The following CLSTN2 variants were observed in gnomAD, a reference collection of about 807,000 sequenced individuals.
CLSTN2 encodes calsyntenin-2.
In CLSTN2, 48 loss-of-function variants were observed where a neutral mutation model predicts 101.2. The observed-to-expected ratio is 0.47, with a 90% confidence interval of 0.38 to 0.60. The LOEUF (loss-of-function observed/expected upper bound fraction) is 0.60. CLSTN2 is among the 20% of genes least tolerant of loss of function. CLSTN2 has a pLI of 0.00. For missense variants in CLSTN2, 1,160 were observed against 1,238.2 expected (o/e 0.94, Z 0.95); for synonymous variants, 481 against 463.6 (o/e 1.04, Z -0.48).
intron 1 of CLSTN2, among the ~76,000 whole-genome samples, chr3:140,052,407 C>T (rs972654109): frequency 3.0e-4 from 45 of 152,262 alleles, no homozygotes; most frequent in African/African-American, 8.9e-4. Flanking sequence ...CCACCTGCCT[C>T]GGCCTCCCAA....
chr3:140,435,758 C>T (rs925968251), intron 5 of CLSTN2, among the ~76,000 whole-genome samples: 4 of 152,148 alleles, frequency 2.6e-5, no homozygotes, highest in Non-Finnish European at 4.4e-5. Flanking sequence ...GGATATGGGC[C>T]ATTTTAACTG....
At chr3:140,303,433 A>G (rs903687046) in intron 2 of CLSTN2, among the ~76,000 whole-genome samples, 1 of 152,120 alleles carries the variant, frequency 6.6e-6, no homozygotes, top group African/African-American at 2.4e-5. Flanking sequence ...AAGTTTGTGA[A>G]CCTTGACAGG....
chr3:140,492,021 C>T (rs1189647358), intron 8 of CLSTN2, among the ~76,000 whole-genome samples: 1 of 152,098 alleles, frequency 6.6e-6, no homozygotes, highest in South Asian at 2.1e-4. Context: ...CAAAAAAGCC[C>T]TTTAAGAAAC....
At chr3:140,496,615 C>T (rs918627060) in intron 8 of CLSTN2, among the ~76,000 whole-genome samples, 2 of 152,132 alleles carry the variant, frequency 1.3e-5, no homozygotes, top group African/African-American at 2.4e-5. Flanking sequence ...ATAGATGGCT[C>T]TTAGTATTTT....
At chr3:140,085,762 T>G (rs993434695) in intron 1 of CLSTN2, among the ~76,000 whole-genome samples, 1 of 152,128 alleles carries the variant, frequency 6.6e-6, no homozygotes, top group African/African-American at 2.4e-5. Context: ...CAACAATGTC[T>G]AGAGGGAAAA....
chr3:140,244,297 G>A (rs1167085787), intron 2 of CLSTN2, among the ~76,000 whole-genome samples: 8 of 152,198 alleles, frequency 5.3e-5, no homozygotes, highest in African/African-American at 1.9e-4. Flanking sequence ...GTTTTGTGAT[G>A]TGGTAGTCAG....
chr3:140,562,778 C>G, intron 13 of CLSTN2, 33 bp from the exon 14 acceptor site: 1 of 1,608,706 alleles, frequency 6.2e-7, no homozygotes, highest in Non-Finnish European at 8.5e-7. Context: ...TCCTTTTCTG[C>G]CTTCTGATGA....
At chr3:140,203,461 GTTTTTTT>G (rs58182333) in intron 2 of CLSTN2, among the ~76,000 whole-genome samples, 11 of 67,898 alleles carry the variant, frequency 1.6e-4, no homozygotes, top group South Asian at 7.2e-4. Flanking sequence ...GAAAGTGTGG[GTTTTTTT>G]TTTTTTTTTT....
chr3:140,489,238 AGCTG>A (rs1279340124), intron 8 of CLSTN2, among the ~76,000 whole-genome samples: 1 of 152,160 alleles, frequency 6.6e-6, no homozygotes, highest in Non-Finnish European at 1.5e-5. Context: ...GCTTCTGCAC[AGCTG>A]GTAAGGTTTC....
At chr3:139,973,188 T>C (rs1259989026) in intron 1 of CLSTN2, among the ~76,000 whole-genome samples, 1 of 152,198 alleles carries the variant, frequency 6.6e-6, no homozygotes, top group Admixed American at 6.5e-5. Context: ...GGCAGGAGCG[T>C]GATCTGCCAT....
At chr3:140,381,324 C>G (rs148691642) in intron 2 of CLSTN2, among the ~76,000 whole-genome samples, 154 of 152,296 alleles carry the variant, frequency 1.0e-3, no homozygotes, top group Non-Finnish European at 1.8e-3. Context: ...TGATTACCCC[C>G]TATACCAGAT....
intron 1 of CLSTN2, among the ~76,000 whole-genome samples, chr3:140,077,639 T>C (rs1342600450): frequency 1.3e-5 from 2 of 151,926 alleles, no homozygotes; most frequent in Non-Finnish European, 2.9e-5. Context: ...AAAACCCCAT[T>C]GTGCCTGCGG....
intron 8 of CLSTN2, among the ~76,000 whole-genome samples, chr3:140,480,836 G>C (rs1934100071): frequency 6.6e-6 from 1 of 152,222 alleles, no homozygotes; most frequent in African/African-American, 2.4e-5. Context: ...ATTGTAGATT[G>C]TGGATATTAG....
intron 8 of CLSTN2, among the ~76,000 whole-genome samples, chr3:140,491,038 A>T (rs1411204365): frequency 6.6e-6 from 1 of 152,250 alleles, no homozygotes; most frequent in African/African-American, 2.4e-5. Context: ...CGTAAGTCAT[A>T]CGTCCCTAAT....
At chr3:140,247,618 C>T (rs987704118) in intron 2 of CLSTN2, among the ~76,000 whole-genome samples, 3 of 152,046 alleles carry the variant, frequency 2.0e-5, no homozygotes, top group Non-Finnish European at 4.4e-5. Context: ...CAGTTCTGTC[C>T]CCTGATGGCC....
chr3:140,377,237 G>C (rs1172578728), intron 2 of CLSTN2, among the ~76,000 whole-genome samples: 2 of 152,188 alleles, frequency 1.3e-5, no homozygotes, highest in African/African-American at 4.8e-5. Context: ...CTACTGCACT[G>C]CTAGTCATAT....
At chr3:140,304,544 C>T (rs775261007) in intron 2 of CLSTN2, among the ~76,000 whole-genome samples, 2 of 152,220 alleles carry the variant, frequency 1.3e-5, no homozygotes, top group Non-Finnish European at 2.9e-5. Context: ...GCCCCACCTT[C>T]ATGATCTCAT....
intron 5 of CLSTN2, among the ~76,000 whole-genome samples, chr3:140,427,565 A>C (rs1377147582): frequency 6.6e-6 from 1 of 151,968 alleles, no homozygotes; most frequent in Non-Finnish European, 1.5e-5. Flanking sequence ...TGGAGATTTG[A>C]GTCTCCTGGA....
chr3:140,495,092 T>G (rs1019404485), intron 8 of CLSTN2, among the ~76,000 whole-genome samples: 3 of 152,216 alleles, frequency 2.0e-5, no homozygotes, highest in African/African-American at 7.2e-5. Context: ...TGTATAAAAG[T>G]GCTTCGTTTT....
Sources: allele counts gnomAD v4.1 joint callset (sites outside exome capture counted in the v4.1 genomes callset), GRCh38; gene constraint gnomAD v4.1.1; transcripts MANE v1.5; gene names NCBI Gene and HGNC (gene_info 2026-07-23, HGNC 2026-07-21).